KCND3: variants seen among roughly 807,000 people sequenced by gnomAD.
KCND3 encodes the protein potassium voltage-gated channel subfamily D member 3, also known as A-type voltage-gated potassium channel KCND3.
In KCND3, 9 loss-of-function variants were observed where a neutral mutation model predicts 51.1. The observed-to-expected ratio is 0.18, with a 90% confidence interval of 0.11 to 0.31. The LOEUF (loss-of-function observed/expected upper bound fraction) is 0.31, where lower values mean the gene tolerates loss of function less well. KCND3 is among the 10% of genes least tolerant of loss of function. The pLI is 1.00. For missense variants in KCND3, 526 were observed against 903.8 expected, an observed-to-expected ratio of 0.58 and a Z score of 5.36; for synonymous variants, 349 against 368.0, an observed-to-expected ratio of 0.95 and a Z score of 0.59.
At chr1:111,782,633 A>G (rs894481482) in intron 3 of KCND3, among the ~76,000 whole-genome samples, 3 of 152,136 alleles carry the variant, frequency 2.0e-5, no homozygotes, top group African/African-American at 7.2e-5. Flanking sequence ...TGGAAATCCA[A>G]TTGTGTCAAG....
At chr1:111,783,741 A>G (rs1381959452) in intron 3 of KCND3, among the ~76,000 whole-genome samples, 2 of 152,198 alleles carry the variant, frequency 1.3e-5, no homozygotes, top group Non-Finnish European at 2.9e-5. Context: ...CTTTATTTGT[A>G]ATAGTCCAAA....
chr1:111,779,306 AC>A (rs368949476), intron 5 of KCND3, among the ~76,000 whole-genome samples: 12 of 150,166 alleles, frequency 8.0e-5, no homozygotes, highest in African/African-American at 2.9e-4. Context: ...GCAGCCCCAC[AC>A]CCCCCTCCCC....
chr1:111,898,398 G>A (rs997267853), intron 2 of KCND3, among the ~76,000 whole-genome samples: 2 of 152,114 alleles, frequency 1.3e-5, no homozygotes, highest in African/African-American at 4.8e-5. Flanking sequence ...CCTGGCACAT[G>A]TGCAGTACTC....
At chr1:111,804,075 T>G (rs1185150252) in intron 2 of KCND3, among the ~76,000 whole-genome samples, 3 of 152,192 alleles carry the variant, frequency 2.0e-5, no homozygotes, top group Non-Finnish European at 4.4e-5. Context: ...TGCCCAGCCC[T>G]TCCCCTTGGA....
At chr1:111,858,526 C>A (rs887717066) in intron 2 of KCND3, among the ~76,000 whole-genome samples, 4 of 152,068 alleles carry the variant, frequency 2.6e-5, no homozygotes, top group Admixed American at 6.6e-5. Context: ...CAAATATAAT[C>A]CAGACTAAAT....
intron 2 of KCND3, among the ~76,000 whole-genome samples, chr1:111,924,280 T>C (rs896477000): frequency 6.6e-6 from 1 of 152,224 alleles, no homozygotes; most frequent in African/African-American, 2.4e-5. Flanking sequence ...ATAATTATGA[T>C]AATGTGCACT....
chr1:111,928,337 G>A (rs371201480), intron 2 of KCND3, among the ~76,000 whole-genome samples: 6 of 152,148 alleles, frequency 3.9e-5, no homozygotes, highest in Non-Finnish European at 7.3e-5. Context: ...TCAGCTTCTC[G>A]GAGTCTCAGC....
chr1:111,980,233 T>G (rs1421455288), intron 2 of KCND3, among the ~76,000 whole-genome samples: 3 of 151,914 alleles, frequency 2.0e-5, no homozygotes, highest in East Asian at 1.9e-4. Flanking sequence ...TGTGTGTGTG[T>G]GTGTGGGTTG....
intron 2 of KCND3, among the ~76,000 whole-genome samples, chr1:111,888,500 G>A (rs1669669178): frequency 6.6e-6 from 1 of 152,048 alleles, no homozygotes; most frequent in African/African-American, 2.4e-5. Context: ...TGGCCAACAT[G>A]GAGAAACCCA....
intron 2 of KCND3, among the ~76,000 whole-genome samples, chr1:111,815,670 C>T (rs1025144312): frequency 1.3e-5 from 2 of 151,764 alleles, no homozygotes; most frequent in Non-Finnish European, 2.9e-5. Flanking sequence ...TAAATTCGCA[C>T]TTCTTGTTAC....
chr1:111,790,401 A>G (rs1055868422), intron 2 of KCND3, among the ~76,000 whole-genome samples: 1 of 152,176 alleles, frequency 6.6e-6, no homozygotes, highest in Non-Finnish European at 1.5e-5. Context: ...TGACACCCCA[A>G]TAGGAACTGT....
Position 111,944,032 on chromosome 1 carries a change from C to T in KCND3, c.1106+37589G>A, listed in dbSNP as rs372258046. ...ATCTGTCAGGAAAGCATAAAGACAGCGCCCTCATCCATCTTCTTGACAACT... is the reference window on the plus strand; with the variant it reads ...ATCTGTCAGGAAAGCATAAAGACAGTGCCCTCATCCATCTTCTTGACAACT... On this transcript the variant is annotated intron_variant, in intron 2 of 7. Coordinates refer to ENST00000302127, the MANE Select transcript of KCND3 (RefSeq NM_001378969.1). 2.8e-4 allele frequency among the ~76,000 whole-genome samples: 43 copies of T among 152,336 alleles called. No individual in the cohort carries two copies. The East Asian group carries it at 7.1e-3, about 25-fold the overall frequency.
chr1:111,843,529 G>A (rs1006446791), intron 2 of KCND3, among the ~76,000 whole-genome samples: 4 of 152,182 alleles, frequency 2.6e-5, no homozygotes, highest in Non-Finnish European at 5.9e-5. Context: ...TGGCCTCTGG[G>A]AATGGGTGAG....
chr1:111,860,046 G>C (rs1668263543), intron 2 of KCND3, among the ~76,000 whole-genome samples: 1 of 152,174 alleles, frequency 6.6e-6, no homozygotes, highest in South Asian at 2.1e-4. Flanking sequence ...TAACTTCATT[G>C]GTGCTATTCT....
intron 2 of KCND3, among the ~76,000 whole-genome samples, chr1:111,942,495 C>T (rs1347691429): frequency 6.6e-6 from 1 of 152,208 alleles, no homozygotes; most frequent in Non-Finnish European, 1.5e-5. Context: ...CTTTGCTGAG[C>T]CAAGGGAACA....
chr1:111,856,507 G>A (rs552868588), intron 2 of KCND3, among the ~76,000 whole-genome samples: 3 of 151,878 alleles, frequency 2.0e-5, no homozygotes, highest in African/African-American at 4.8e-5. Context: ...TGGTAGCCTC[G>A]GCCTCCCCTC....
At chr1:111,983,145 T>G (rs1675066865) in intron 1 of KCND3, among the ~76,000 whole-genome samples, 1 of 152,220 alleles carries the variant, frequency 6.6e-6, no homozygotes, top group Non-Finnish European at 1.5e-5. Context: ...GTTATGGCGT[T>G]ATTACCAATT....
At chr1:111,897,295 A>G (rs2101780075) in intron 2 of KCND3, among the ~76,000 whole-genome samples, 1 of 152,308 alleles carries the variant, frequency 6.6e-6, no homozygotes, top group African/African-American at 2.4e-5. Flanking sequence ...AGAGAAGGGA[A>G]TCTTCCCCAC....
chr1:111,875,948 G>A (rs947688318), intron 2 of KCND3, among the ~76,000 whole-genome samples: 6 of 152,204 alleles, frequency 3.9e-5, no homozygotes, highest in Non-Finnish European at 8.8e-5. Context: ...GGTTATGGAG[G>A]CAGCAGAGAA....
Sources: allele counts gnomAD v4.1 joint callset (sites outside exome capture counted in the v4.1 genomes callset), GRCh38; gene constraint gnomAD v4.1.1; transcripts MANE v1.5; gene names NCBI Gene and HGNC (gene_info 2026-07-23, HGNC 2026-07-21).